The following LRTM1 variants were observed in gnomAD, a reference collection of about 807,000 sequenced individuals.
The protein encoded by LRTM1 is leucine rich repeat transmembrane protein 1.
A neutral mutation model predicts 32.4 loss-of-function variants in LRTM1; 38 were observed. The ratio of observed to expected loss-of-function variants is 1.17; its 90% confidence interval spans 0.91 to 1.54. LRTM1 has a LOEUF of 1.54. LRTM1 is among the 40% of genes most tolerant of loss of function. The pLI is 0.00. For missense variants in LRTM1, 466 were observed against 415.4 expected, an observed-to-expected ratio of 1.12 and a Z score of -1.06; for synonymous variants, 186 against 169.9, an observed-to-expected ratio of 1.09 and a Z score of -0.74.
intron 1 of LRTM1, among the ~76,000 whole-genome samples, chr3:54,961,606 G>T (rs1251814067): frequency 6.6e-6 from 1 of 152,132 alleles, no homozygotes; most frequent in Admixed American, 6.5e-5. Context: ...GTCCACATTT[G>T]CAATTGTCCA....
chr3:54,937,437 C>A (rs1009738750), intron 1 of LRTM1, among the ~76,000 whole-genome samples: 2 of 152,160 alleles, frequency 1.3e-5, no homozygotes, highest in Non-Finnish European at 2.9e-5. Context: ...CCTGTGGAAC[C>A]CACATGTAGG....
In LRTM1 at chr3:54,963,710, A is replaced by C. The variant is rs189917207; in HGVS notation, c.-222+3218T>G. Among the ~76,000 whole-genome samples, 237 of 152,276 alleles carry C rather than the reference A, an allele frequency of 1.6e-3. 1 individual carries two copies. The highest frequency in any genetic ancestry group is 0.014 in the Middle Eastern group (4 of 294). Reference sequence around the variant, plus strand: ...TTTCTGTCAGCTCTGGGGATGCTGAAGTGTGAATCTCTCTTCGGTGATTTG... The same window carrying C: ...TTTCTGTCAGCTCTGGGGATGCTGACGTGTGAATCTCTCTTCGGTGATTTG... On this transcript the variant is annotated intron_variant, in intron 1 of 2. Transcript: ENST00000493075.
intron 2 of LRTM1, among the ~76,000 whole-genome samples, chr3:54,921,376 A>G (rs1240912129): frequency 6.6e-6 from 1 of 152,180 alleles, no homozygotes; most frequent in African/African-American, 2.4e-5. Context: ...TATATCAAGT[A>G]TTTAGCATAA....
At chr3:54,942,734 A>T in intron 1 of LRTM1, among the ~76,000 whole-genome samples, 1 of 151,996 alleles carries the variant, frequency 6.6e-6, no homozygotes, top group South Asian at 2.1e-4. Flanking sequence ...AAAAAAATAA[A>T]AAAAATTAGG....
rs368496593 is a variant in LRTM1 at position 54,925,216 on chromosome 3, C to T, written c.8-1G>A. On this transcript the variant is annotated splice_acceptor_variant, in intron 1 of 2. Transcript: ENST00000273286. LOFTEE classifies it high-confidence loss of function. Reference sequence around the variant, plus strand: ...ACACTGGAAAACAGGAGCAGTTCACCTACAACAAACAGAAAGAAATTGGGA... The same window carrying T: ...ACACTGGAAAACAGGAGCAGTTCACTTACAACAAACAGAAAGAAATTGGGA... 3.1e-6 allele frequency: 5 copies of T among 1,604,868 alleles called. No homozygotes were observed. The highest frequency in any genetic ancestry group is 4.3e-6 in the Non-Finnish European group (5 of 1,173,144).
At chr3:54,954,964 A>G (rs765644117) in intron 1 of LRTM1, among the ~76,000 whole-genome samples, 4 of 152,178 alleles carry the variant, frequency 2.6e-5, no homozygotes, top group Non-Finnish European at 4.4e-5. Flanking sequence ...CTTTTATTGA[A>G]TGCTTACTGG....
intron 1 of LRTM1, among the ~76,000 whole-genome samples, chr3:54,933,071 TCCTTCCTTCCTTCCTTCC>T (rs1701239063): frequency 1.4e-5 from 1 of 71,778 alleles, no homozygotes; most frequent in South Asian, 3.8e-4. Flanking sequence ...CTTCCTTCCT[TCCTTCCTTCCTTCCTTCC>T]TTCCTTCCTT....
chr3:54,936,713 T>G (rs1038106179), intron 1 of LRTM1, among the ~76,000 whole-genome samples: 1 of 152,182 alleles, frequency 6.6e-6, no homozygotes, highest in South Asian at 2.1e-4. Context: ...TAGGAGGCCC[T>G]CTTTCCCATC....
chr3:54,939,561 T>C (rs553363568), intron 1 of LRTM1, among the ~76,000 whole-genome samples: 1 of 152,176 alleles, frequency 6.6e-6, no homozygotes, highest in African/African-American at 2.4e-5. Context: ...TGGCCAGGGA[T>C]TGGGCAAAGT....
intron 1 of LRTM1, among the ~76,000 whole-genome samples, chr3:54,926,527 C>T (rs1376040781): frequency 6.6e-6 from 1 of 150,590 alleles, no homozygotes; most frequent in African/African-American, 2.4e-5. Context: ...CACACACACA[C>T]ACACACACAC....
intron 1 of LRTM1, among the ~76,000 whole-genome samples, chr3:54,925,643 G>A (rs1473735937): frequency 2.0e-5 from 3 of 152,220 alleles, no homozygotes; most frequent in Non-Finnish European, 4.4e-5. Flanking sequence ...GAACAGTGCT[G>A]TCTAATACAA....
intron 1 of LRTM1, among the ~76,000 whole-genome samples, chr3:54,938,168 G>A (rs150557096): frequency 6.6e-6 from 1 of 152,360 alleles, no homozygotes; most frequent in Non-Finnish European, 1.5e-5. Flanking sequence ...CACCACATCA[G>A]TGCCTGGGTC....
chr3:54,957,006 T>C (rs1276252011), intron 1 of LRTM1, among the ~76,000 whole-genome samples: 1 of 152,160 alleles, frequency 6.6e-6, no homozygotes, highest in African/African-American at 2.4e-5. Context: ...AATATCAAGT[T>C]TGCAGGATGT....
At chr3:54,920,376 C>A (rs1040405691) in intron 2 of LRTM1, among the ~76,000 whole-genome samples, 7 of 152,040 alleles carry the variant, frequency 4.6e-5, no homozygotes, top group African/African-American at 1.7e-4. Context: ...AACCCATGTC[C>A]TTTTTGTTGC....
At position 54,955,568 on chromosome 3, in the gene LRTM1, T is replaced by C. The variant is rs531522841; in HGVS notation, c.-222+11360A>G. Among the ~76,000 whole-genome samples the C allele has an allele frequency of 5.3e-5, 8 of 152,310 alleles. No individual in the cohort carries two copies. The South Asian group carries it at 1.7e-3, about 32-fold the overall frequency. The stretch of plus-strand genomic sequence containing the variant: ...CAATACTAAGCTAGAGGAACGTTGA[T>C]TCTGAGGCAGCTTCTAAGGTCTATC... On this transcript the variant is annotated intron_variant, in intron 1 of 2. Coordinates refer to the LRTM1 transcript ENST00000493075.
At chr3:54,961,999 C>T (rs1702040124) in intron 1 of LRTM1, among the ~76,000 whole-genome samples, 1 of 152,088 alleles carries the variant, frequency 6.6e-6, no homozygotes, top group East Asian at 1.9e-4. Flanking sequence ...AGCGTGCTCA[C>T]TCAGGTCTCT....
chr3:54,919,276 C>G (rs550920900), intron 2 of LRTM1, among the ~76,000 whole-genome samples: 1 of 152,324 alleles, frequency 6.6e-6, no homozygotes, highest in South Asian at 2.1e-4. Context: ...GACAAGAAAA[C>G]TTTTGTACCA....
chr3:54,935,313 T>A (rs1473679697), intron 1 of LRTM1, among the ~76,000 whole-genome samples: 2 of 152,168 alleles, frequency 1.3e-5, no homozygotes, highest in Non-Finnish European at 2.9e-5. Context: ...ATCTTCCCAA[T>A]GTCAGCCTTC....
upstream of LRTM1, among the ~76,000 whole-genome samples, chr3:54,929,907 C>T (rs1701142668): frequency 6.6e-6 from 1 of 152,196 alleles, no homozygotes; most frequent in African/African-American, 2.4e-5. Context: ...GAACTTAACA[C>T]TCCTTCTAAG....
Sources: allele counts gnomAD v4.1 joint callset (sites outside exome capture counted in the v4.1 genomes callset), GRCh38; gene constraint gnomAD v4.1.1; transcripts MANE v1.5; gene names NCBI Gene and HGNC (gene_info 2026-07-23, HGNC 2026-07-21).